The following BRAF variants were observed in gnomAD, a reference collection of about 807,000 sequenced individuals.
The protein encoded by BRAF is B-Raf proto-oncogene, serine/threonine kinase.
Under a neutral mutation model 104.6 loss-of-function variants are expected in BRAF, and 16 were observed. That is an observed-to-expected ratio of 0.15 (90% confidence interval 0.10 to 0.23). BRAF has a LOEUF of 0.23. Among genes scored for constraint, BRAF ranks in the 10% least tolerant of loss-of-function variants. The pLI is 1.00. For synonymous variants in BRAF, 310 were observed against 341.6 expected (o/e 0.91, Z 1.02); for missense variants, 541 against 937.3 (o/e 0.58, Z 5.52).
intron 1 of BRAF, among the ~76,000 whole-genome samples, chr7:140,861,173 C>G (rs1286266485): frequency 6.6e-6 from 1 of 152,006 alleles, no homozygotes; most frequent in Non-Finnish European, 1.5e-5. Flanking sequence ...GGAGATGTAC[C>G]TTGGTAGAAA....
chr7:140,721,555 T>C lies in BRAF; in HGVS notation c.*4939A>G. 6.7e-7 allele frequency: 1 copy of C among 1,489,080 alleles called. No homozygotes were observed. The highest frequency in any genetic ancestry group is 8.9e-7 in the Non-Finnish European group (1 of 1,125,136). 92.2% of individuals were successfully genotyped at this position (1,489,080 alleles called of 1,614,324 possible). A position where few individuals can be genotyped will look rare whatever the true frequency, so the allele number is the denominator to read the frequency against. ...CCAGTATTTTTAATTTTACCAGAGC[T>C]AGCAACATGGACCACAGATATACTG... On this transcript the variant is annotated 3_prime_UTR_variant, in exon 20 of 20. Transcript: ENST00000644969.
At chr7:140,752,147 G>C (rs567432036) in intron 16 of BRAF, among the ~76,000 whole-genome samples, 1 of 152,166 alleles carries the variant, frequency 6.6e-6, no homozygotes, top group African/African-American at 2.4e-5. Flanking sequence ...CATTTTTAAT[G>C]AAAAATAACT....
intron 1 of BRAF, among the ~76,000 whole-genome samples, chr7:140,886,741 A>G (rs976332972): frequency 6.6e-6 from 1 of 152,168 alleles, no homozygotes; most frequent in Non-Finnish European, 1.5e-5. Flanking sequence ...CTTTTGGCAC[A>G]TATCACAATT....
chr7:140,773,888 T>C (rs1800077121), intron 14 of BRAF, among the ~76,000 whole-genome samples: 2 of 152,214 alleles, frequency 1.3e-5, no homozygotes, highest in Admixed American at 6.5e-5. Context: ...TATTGTCTCA[T>C]TCCTCTCTGT....
intron 1 of BRAF, among the ~76,000 whole-genome samples, chr7:140,916,452 T>G (rs1179589301): frequency 2.6e-5 from 4 of 152,248 alleles, no homozygotes; most frequent in African/African-American, 4.8e-5. Flanking sequence ...GGAAGAACTC[T>G]TCTAATGAAG....
intron 1 of BRAF, among the ~76,000 whole-genome samples, chr7:140,903,748 G>A (rs529898517): frequency 6.6e-6 from 1 of 152,316 alleles, no homozygotes; most frequent in East Asian, 1.9e-4. Flanking sequence ...TTCATGGGAG[G>A]AGGTAAAACT....
intron 19 of BRAF, among the ~76,000 whole-genome samples, chr7:140,729,345 G>C (rs770313775): frequency 2.0e-5 from 3 of 152,036 alleles, no homozygotes; most frequent in Non-Finnish European, 2.9e-5. Context: ...TTAAATATTA[G>C]TCTTAAAAAT....
At chr7:140,718,102 G>C (rs1346684511), downstream of BRAF, among the ~76,000 whole-genome samples, 2 of 152,250 alleles carry the variant, frequency 1.3e-5, no homozygotes, top group East Asian at 3.9e-4. Context: ...AACAGGTGAA[G>C]TGTTTTTTTT....
intron 3 of BRAF, among the ~76,000 whole-genome samples, chr7:140,829,599 A>G (rs976167017): frequency 6.6e-6 from 1 of 152,112 alleles, no homozygotes; most frequent in Non-Finnish European, 1.5e-5. Flanking sequence ...CTTACTTTTA[A>G]TATTAGCTTG....
chr7:140,723,510 C>T lies in BRAF; in HGVS notation c.*2984G>A. The T allele has an allele frequency of 9.5e-7, 1 of 1,052,546 alleles. No individual in the cohort carries two copies. The highest frequency in any genetic ancestry group is 1.1e-6 in the Non-Finnish European group (1 of 871,486). The allele number at this position is 1,052,546 out of a possible 1,614,324, so 65.2% of individuals were successfully genotyped here. A position where few individuals can be genotyped will look rare whatever the true frequency, so the allele number is the denominator to read the frequency against. ...AGACAGAATCTTCTTTTAAGGTGCACATTAACAACAAATGATCACACTGAA... is the reference window on the plus strand; with the variant it reads ...AGACAGAATCTTCTTTTAAGGTGCATATTAACAACAAATGATCACACTGAA... On this transcript the variant is annotated 3_prime_UTR_variant, in exon 20 of 20. Transcript: ENST00000644969.
At chr7:140,717,655 T>C (rs1055006800), downstream of BRAF, among the ~76,000 whole-genome samples, 3 of 152,214 alleles carry the variant, frequency 2.0e-5, no homozygotes, top group Admixed American at 1.3e-4. Context: ...TCAGAAGAGC[T>C]AGTGTGGTAG....
At chr7:140,795,451 C>T (rs1250591028) in intron 7 of BRAF, among the ~76,000 whole-genome samples, 1 of 152,206 alleles carries the variant, frequency 6.6e-6, no homozygotes, top group Admixed American at 6.5e-5. Flanking sequence ...TCATTCCACC[C>T]TATTTTATGC....
At chr7:140,819,577 G>A (rs776590050) in intron 3 of BRAF, among the ~76,000 whole-genome samples, 3 of 152,132 alleles carry the variant, frequency 2.0e-5, no homozygotes, top group East Asian at 1.9e-4. Flanking sequence ...AAGTAGAAAC[G>A]ACACAGATGT....
At chr7:140,843,158 T>C (rs1003894883) in intron 2 of BRAF, among the ~76,000 whole-genome samples, 3 of 152,158 alleles carry the variant, frequency 2.0e-5, no homozygotes, top group African/African-American at 7.2e-5. Context: ...TAGTCACTAG[T>C]ATAGGGGTGA....
Position 140,809,375 on chromosome 7 carries a change from T to A in BRAF, c.505-380A>T, listed in dbSNP as rs543852509. Among the ~76,000 whole-genome samples the A allele has an allele frequency of 1.6e-4, 24 of 152,314 alleles. 1 individual carries two copies. Among genetic ancestry groups the A allele is most frequent in the South Asian group, 1.4e-3 (7 of 4,828 alleles). On this transcript the variant is annotated intron_variant, in intron 3 of 19. Coordinates refer to ENST00000644969, the MANE Select transcript of BRAF (RefSeq NM_001374258.1). Reference sequence around the variant, plus strand: ...CAATACTGTTCAAAGCTGAAAACTGTATAACCCTTCAATCACACTGACTGT... The same window carrying A: ...CAATACTGTTCAAAGCTGAAAACTGAATAACCCTTCAATCACACTGACTGT...
rs967810820 is a variant in BRAF at position 140,724,328 on chromosome 7, C to T, written c.*2166G>A. On this transcript the variant is annotated 3_prime_UTR_variant, in exon 20 of 20. Coordinates refer to ENST00000644969, the MANE Select transcript of BRAF (RefSeq NM_001374258.1). ...CTACCTGCGGAAACTTGAAGCCAAT[C>T]TTGGTAAAGGGAACACAGCCACATT... 3 of 1,055,404 alleles carry T rather than the reference C, an allele frequency of 2.8e-6. No homozygotes were observed. The African/African-American group carries it at 5.0e-5, about 17-fold the overall frequency. 65.4% of individuals were successfully genotyped at this position (1,055,404 alleles called of 1,614,324 possible).
chr7:140,732,565 T>C (rs1435466208), intron 19 of BRAF: 1 of 152,200 alleles, frequency 6.6e-6, no homozygotes, highest in Non-Finnish European at 1.5e-5. Flanking sequence ...TGTGACACTT[T>C]GGAGGCATGT....
At chr7:140,844,211 CG>C (rs1417366339) in intron 2 of BRAF, among the ~76,000 whole-genome samples, 10 of 151,488 alleles carry the variant, frequency 6.6e-5, no homozygotes, top group South Asian at 2.1e-4. Flanking sequence ...CTTCTATAGA[CG>C]TAACTTGCCT....
chr7:140,761,248 A>G (rs2129005409), intron 14 of BRAF, among the ~76,000 whole-genome samples: 1 of 152,338 alleles, frequency 6.6e-6, no homozygotes, highest in South Asian at 2.1e-4. Context: ...ATTCTTAAAG[A>G]AAACAATTTT....
Sources: gnomAD v4.1 joint callset for allele counts (sites outside exome capture counted in the v4.1 genomes callset) on GRCh38, gnomAD v4.1.1 for gene constraint, MANE v1.5 for transcripts, NCBI Gene and HGNC (gene_info 2026-07-23, HGNC 2026-07-21) for gene names.